The following AGBL4 variants were observed in gnomAD, a reference collection of about 807,000 sequenced individuals.
The protein encoded by AGBL4 is cytosolic carboxypeptidase 6.
In AGBL4, 58 loss-of-function variants were observed where a neutral mutation model predicts 66.4. That is an observed-to-expected ratio of 0.87 (90% CI 0.71 to 1.09). The LOEUF (loss-of-function observed/expected upper bound fraction) is 1.09, where lower values mean the gene tolerates loss of function less well. AGBL4 is among the 50% of genes least tolerant of loss of function. The pLI, the probability that AGBL4 is intolerant of heterozygous loss-of-function variation, is 0.00. For synonymous variants in AGBL4, 234 were observed against 222.9 expected (o/e 1.05, Z -0.44); for missense variants, 579 against 631.0 (o/e 0.92, Z 0.88).
intron 1 of AGBL4, among the ~76,000 whole-genome samples, chr1:49,882,363 C>A (rs1244771348): frequency 6.6e-6 from 1 of 150,746 alleles, no homozygotes; most frequent in African/African-American, 2.5e-5. Flanking sequence ...ATTGACTTGG[C>A]GATGTGGGCT....
chr1:49,882,819 A>T (rs1015672089), intron 1 of AGBL4, among the ~76,000 whole-genome samples: 5 of 152,116 alleles, frequency 3.3e-5, no homozygotes, highest in African/African-American at 1.2e-4. Flanking sequence ...TGCATTTTAG[A>T]AATTTGTTGA....
chr1:48,841,729 C>T (rs188591869), intron 6 of AGBL4, among the ~76,000 whole-genome samples: 191 of 152,090 alleles, frequency 1.3e-3, no homozygotes, highest in African/African-American at 4.5e-3. Flanking sequence ...TTATGGTTTT[C>T]GATGGATCCT....
At chr1:48,926,584 G>A (rs1471829593) in intron 5 of AGBL4, among the ~76,000 whole-genome samples, 2 of 151,730 alleles carry the variant, frequency 1.3e-5, no homozygotes, top group East Asian at 1.9e-4. Flanking sequence ...GCGTCACACC[G>A]GCCAACCATG....
intron 4 of AGBL4, among the ~76,000 whole-genome samples, chr1:49,188,910 A>C (rs1569994690): frequency 6.6e-6 from 1 of 152,186 alleles, no homozygotes; most frequent in Admixed American, 6.6e-5. Flanking sequence ...CACAGTGGAA[A>C]TACTATTCCA....
chr1:48,793,642 C>T (rs1278150543), intron 6 of AGBL4, among the ~76,000 whole-genome samples: 2 of 152,130 alleles, frequency 1.3e-5, no homozygotes, highest in African/African-American at 4.8e-5. Flanking sequence ...AACAACTCCA[C>T]GGACTGTTGC....
At chr1:49,802,125 C>A (rs973726476) in intron 2 of AGBL4, among the ~76,000 whole-genome samples, 2 of 152,132 alleles carry the variant, frequency 1.3e-5, no homozygotes, top group Non-Finnish European at 2.9e-5. Context: ...ATGTGCTTCC[C>A]CCTGCAGAGA....
intron 3 of AGBL4, among the ~76,000 whole-genome samples, chr1:49,279,689 C>T (rs1199943283): frequency 2.6e-5 from 4 of 152,084 alleles, no homozygotes; most frequent in Admixed American, 2.6e-4. Context: ...CTGCTAAAAC[C>T]ATTTTTTGAA....
intron 4 of AGBL4, among the ~76,000 whole-genome samples, chr1:49,182,664 A>T (rs1569970394): frequency 6.6e-6 from 1 of 152,246 alleles, no homozygotes; most frequent in South Asian, 2.1e-4. Flanking sequence ...TGAGGCTATA[A>T]ATCCCAGTGG....
At chr1:48,534,441 C>T in intron 13 of AGBL4, 148 bp from the exon 14 acceptor site, 2 of 1,105,270 alleles carry the variant, frequency 1.8e-6, no homozygotes, top group Non-Finnish European at 2.5e-6. Flanking sequence ...CTAAAGGTGA[C>T]AAAAATGAGC....
intron 2 of AGBL4, among the ~76,000 whole-genome samples, chr1:49,743,305 C>T (rs1340193920): frequency 1.3e-5 from 2 of 152,110 alleles, no homozygotes; most frequent in Non-Finnish European, 2.9e-5. Flanking sequence ...TGAAAAAATG[C>T]TCATCATCAC....
At chr1:49,068,434 T>C (rs1164793943) in intron 4 of AGBL4, among the ~76,000 whole-genome samples, 4 of 135,226 alleles carry the variant, frequency 3.0e-5, no homozygotes, top group African/African-American at 1.1e-4. Context: ...CCGGTGTCCA[T>C]GTGTTCTCAT....
chr1:48,602,152 T>C (rs571861948), intron 9 of AGBL4, among the ~76,000 whole-genome samples: 4 of 152,188 alleles, frequency 2.6e-5, no homozygotes, highest in African/African-American at 7.2e-5. Flanking sequence ...AGCTGGCTCA[T>C]AGAGGTAATG....
At chr1:48,923,010 AT>A (rs1166106153) in intron 5 of AGBL4, among the ~76,000 whole-genome samples, 2 of 151,154 alleles carry the variant, frequency 1.3e-5, no homozygotes, top group African/African-American at 4.8e-5. Flanking sequence ...TAAGGATAAT[AT>A]TTTTCTCTAA....
intron 3 of AGBL4, among the ~76,000 whole-genome samples, chr1:49,598,223 T>G (rs1303367313): frequency 6.6e-6 from 1 of 152,202 alleles, no homozygotes; most frequent in Non-Finnish European, 1.5e-5. Context: ...CTCGTCAAAG[T>G]CATTCTCCAT....
chr1:49,985,134 T>C (rs1284942675), intron 1 of AGBL4, among the ~76,000 whole-genome samples: 1 of 152,210 alleles, frequency 6.6e-6, no homozygotes, highest in African/African-American at 2.4e-5. Flanking sequence ...CGAATAATCT[T>C]GTCACCCAGG....
intron 8 of AGBL4, among the ~76,000 whole-genome samples, chr1:48,638,817 A>C (rs1645709589): frequency 6.6e-6 from 1 of 152,218 alleles, no homozygotes; most frequent in Non-Finnish European, 1.5e-5. Flanking sequence ...GTAGTTGTTG[A>C]ACAAACATTT....
chr1:48,764,416 G>C (rs1033652354), intron 6 of AGBL4, among the ~76,000 whole-genome samples: 1 of 152,194 alleles, frequency 6.6e-6, no homozygotes, highest in African/African-American at 2.4e-5. Flanking sequence ...CTCATAAAAG[G>C]ATAGCCATTT....
chr1:49,597,373 T>A (rs1644871595), intron 3 of AGBL4, among the ~76,000 whole-genome samples: 1 of 152,156 alleles, frequency 6.6e-6, no homozygotes, highest in African/African-American at 2.4e-5. Context: ...AAGTACAGAA[T>A]GCAAGGAAAA....
intron 3 of AGBL4, among the ~76,000 whole-genome samples, chr1:49,551,107 G>A (rs1652916989): frequency 6.6e-6 from 1 of 152,034 alleles, no homozygotes; most frequent in East Asian, 1.9e-4. Flanking sequence ...ACTTTCCAGA[G>A]CATTTTGCAT....
Sources: allele counts gnomAD v4.1 joint callset (sites outside exome capture counted in the v4.1 genomes callset), GRCh38; gene constraint gnomAD v4.1.1; transcripts MANE v1.5; gene names NCBI Gene and HGNC (gene_info 2026-07-23, HGNC 2026-07-21).